Variants in MAPKAPK3 observed in about 807,000 individuals in gnomAD.
The protein encoded by MAPKAPK3 is MAPK activated protein kinase 3.
A neutral mutation model predicts 49.2 loss-of-function variants in MAPKAPK3; 35 were observed. The observed-to-expected ratio is 0.71, with a 90% CI of 0.54 to 0.94. The LOEUF (loss-of-function observed/expected upper bound fraction) is 0.94. Among genes scored for constraint, MAPKAPK3 ranks in the 40% least tolerant of loss-of-function variants. The pLI, the probability that MAPKAPK3 is intolerant of heterozygous loss-of-function variation, is 0.00. For missense variants in MAPKAPK3, 398 were observed against 493.1 expected (o/e 0.81, Z 1.83); for synonymous variants, 178 against 188.7 (o/e 0.94, Z 0.46).
rs2032640226 is a variant in MAPKAPK3 at position 50,622,695 on chromosome 3, T to C, written c.219+4911T>C. Among the ~76,000 whole-genome samples the C allele has an allele frequency of 2.0e-5, 3 of 152,316 alleles. No homozygotes were observed. The South Asian group carries it at 6.2e-4, about 32-fold the overall frequency. The stretch of plus-strand genomic sequence containing the variant: ...AGAGATAAGCCACAGAGAAATGCTA[T>C]TTCTACTCTCCTAAGATCTGGGAAT... On this transcript the variant is annotated intron_variant, in intron 2 of 10. Transcript: ENST00000621469.
chr3:50,639,626 C>A (rs537186138), intron 2 of MAPKAPK3, among the ~76,000 whole-genome samples: 7 of 152,104 alleles, frequency 4.6e-5, no homozygotes, highest in Non-Finnish European at 8.8e-5. Flanking sequence ...TACTTTTACC[C>A]CTACAGGAGT....
chr3:50,647,850 G>A, intron 10 of MAPKAPK3, 44 bp from the exon 11 acceptor site: 1 of 1,581,302 alleles, frequency 6.3e-7, no homozygotes, highest in Non-Finnish European at 8.6e-7. Flanking sequence ...CCTAAGGTCA[G>A]TACATCCTGA....
chr3:50,634,790 C>T (rs1052037897), intron 2 of MAPKAPK3, among the ~76,000 whole-genome samples: 2 of 152,204 alleles, frequency 1.3e-5, no homozygotes, highest in Non-Finnish European at 2.9e-5. Flanking sequence ...CGTGCTTAGC[C>T]CCTTCCTATC....
intron 1 of MAPKAPK3, 86 bp downstream of exon 1, chr3:50,617,327 G>C (rs932585228): frequency 3.1e-5 from 13 of 417,996 alleles, no homozygotes; most frequent in Admixed American, 1.5e-4. Flanking sequence ...CTTGACACGT[G>C]CCCGGGCGGT....
rs541893798 is a variant in MAPKAPK3 at position 50,622,389 on chromosome 3, C to G, written c.219+4605C>G. ...CCAGCACTGAAGAATTTCTTCTCAT[C>G]TGTCAAGACTCAGCCCCAGTGCCAC... On this transcript the variant is annotated intron_variant, in intron 2 of 10. Coordinates refer to ENST00000621469, the MANE Select transcript of MAPKAPK3 (RefSeq NM_001243925.2). Among the ~76,000 whole-genome samples the G allele has an allele frequency of 4.6e-5, 7 of 152,328 alleles. No homozygotes were observed. The South Asian group carries it at 1.4e-3, about 32-fold the overall frequency.
At position 50,647,081 on chromosome 3, in the gene MAPKAPK3, G is replaced by A. The variant is rs1333274925; in HGVS notation, c.916-42G>A. The A allele has an allele frequency of 5.4e-6, 8 of 1,492,248 alleles. No individual in the cohort carries two copies. In the Admixed American group the frequency reaches 1.4e-4, roughly 26 times the overall value. The allele number at this position is 1,492,248 out of a possible 1,614,324, so 92.4% of individuals were successfully genotyped here. A position where few individuals can be genotyped will look rare whatever the true frequency, so the allele number is the denominator to read the frequency against. ...GTAGGGGGAACCAGTGCTGTCCCAGGTGCCTCCAGTTTCTAATCCACGGGC... is the reference window on the plus strand; with the variant it reads ...GTAGGGGGAACCAGTGCTGTCCCAGATGCCTCCAGTTTCTAATCCACGGGC... On this transcript the variant is annotated intron_variant, in intron 9 of 10. Coordinates refer to ENST00000621469, the MANE Select transcript of MAPKAPK3 (RefSeq NM_001243925.2).
chr3:50,634,634 G>A (rs556198953), intron 2 of MAPKAPK3, among the ~76,000 whole-genome samples: 27 of 152,150 alleles, frequency 1.8e-4, no homozygotes, highest in Non-Finnish European at 3.7e-4. Flanking sequence ...GATTACAGGT[G>A]CGTACCACCA....
intron 2 of MAPKAPK3, among the ~76,000 whole-genome samples, chr3:50,624,481 G>T (rs568918665): frequency 6.6e-6 from 1 of 152,292 alleles, no homozygotes; most frequent in African/African-American, 2.4e-5. Context: ...AGGAATCTGT[G>T]GAGGAAGAGG....
At position 50,648,315 on chromosome 3, in the gene MAPKAPK3, G is replaced by C. The variant is rs1037729162; in HGVS notation, c.*269G>C. ...GCAGCACCTTTAGCTAGGTTGGCCCGAGTGAGGCCTCTGTGCTGTCCTGCC... is the reference window on the plus strand; with the variant it reads ...GCAGCACCTTTAGCTAGGTTGGCCCCAGTGAGGCCTCTGTGCTGTCCTGCC... On this transcript the variant is annotated 3_prime_UTR_variant, in exon 11 of 11. Transcript: ENST00000621469. The C allele has an allele frequency of 4.9e-6, 2 of 408,236 alleles. No homozygotes were observed. Among genetic ancestry groups the C allele is most frequent in the Non-Finnish European group, 8.9e-6 (2 of 225,810 alleles). 25.3% of individuals were successfully genotyped at this position (408,236 alleles called of 1,614,324 possible).
intron 2 of MAPKAPK3, among the ~76,000 whole-genome samples, chr3:50,624,506 C>G (rs991555666): frequency 2.0e-5 from 3 of 151,928 alleles, no homozygotes; most frequent in African/African-American, 7.3e-5. Flanking sequence ...TGTGTAGGGC[C>G]TTGAAGGGTA....
At chr3:50,624,379 C>T (rs1394438232) in intron 2 of MAPKAPK3, among the ~76,000 whole-genome samples, 2 of 152,158 alleles carry the variant, frequency 1.3e-5, no homozygotes, top group Non-Finnish European at 2.9e-5. Flanking sequence ...CAGTTTCCCA[C>T]TCGCAGACCT....
rs777693012 is a variant in MAPKAPK3 at position 50,645,694 on chromosome 3, C to T, written c.629-16C>T. 6.2e-7 allele frequency: 1 copy of T among 1,611,530 alleles called. No individual in the cohort carries two copies. The highest frequency in any genetic ancestry group is 8.5e-7 in the Non-Finnish European group (1 of 1,177,764). On this transcript the variant is annotated splice_polypyrimidine_tract_variant and intron_variant, in intron 6 of 10. Transcript: ENST00000621469. ...CCCTTGGGTCTGAGAGCCCTGCTGT[C>T]CCTCTGCCCTGGCAGCCCCTGAGGT... is the stretch of plus-strand genomic sequence containing the variant.
rs1349560215 is a variant in MAPKAPK3 at position 50,648,826 on chromosome 3, G to A, written c.*780G>A. On this transcript the variant is annotated 3_prime_UTR_variant, in exon 11 of 11. Coordinates refer to ENST00000621469, the MANE Select transcript of MAPKAPK3 (RefSeq NM_001243925.2). ...TTTCCACTTTGGAAAATGTCACTGT[G>A]ACAAAAGCCAGCATACTTTCCCTGC... 6.6e-6 allele frequency: 1 copy of A among 152,266 alleles called. No individual in the cohort carries two copies. The highest frequency in any genetic ancestry group is 2.4e-5 in the African/African-American group (1 of 41,470). 9.4% of individuals were successfully genotyped at this position (152,266 alleles called of 1,614,324 possible). A position where few individuals can be genotyped will look rare whatever the true frequency, so the allele number is the denominator to read the frequency against.
At position 50,631,349 on chromosome 3, in the gene MAPKAPK3, G is replaced by A. The variant is rs571153289; in HGVS notation, c.220-9017G>A. ...GAGAGGGAGGACATGGGGGGCAGGA[G>A]CGGGGTTCTGGCATTATAAGGAAGA... On this transcript the variant is annotated intron_variant, in intron 2 of 10. Coordinates refer to ENST00000621469, the MANE Select transcript of MAPKAPK3 (RefSeq NM_001243925.2). Among the ~76,000 whole-genome samples the A allele has an allele frequency of 1.9e-3, 294 of 152,344 alleles. 3 individuals are homozygous for A. Among genetic ancestry groups the A allele is most frequent in the African/African-American group, 6.4e-3 (268 of 41,576 alleles).
Position 50,645,706 on chromosome 3 carries a change from G to T in MAPKAPK3, c.629-4G>T. 1 of 1,613,760 alleles carries T rather than the reference G, an allele frequency of 6.2e-7. No homozygotes were observed. Among genetic ancestry groups the T allele is most frequent in the Non-Finnish European group, 8.5e-7 (1 of 1,179,716 alleles). On this transcript the variant is annotated splice_polypyrimidine_tract_variant and splice_region_variant and intron_variant, in intron 6 of 10. Transcript: ENST00000621469. ...AGAGCCCTGCTGTCCCTCTGCCCTG[G>T]CAGCCCCTGAGGTCCTGGGTCCAGA...
chr3:50,634,447 G>T (rs1239816908), intron 2 of MAPKAPK3, among the ~76,000 whole-genome samples: 1 of 151,914 alleles, frequency 6.6e-6, no homozygotes, highest in Non-Finnish European at 1.5e-5. Context: ...AGGCAAGGGT[G>T]GGGGCCCGTT....
intron 2 of MAPKAPK3, among the ~76,000 whole-genome samples, chr3:50,618,351 C>T (rs1559482172): frequency 6.6e-6 from 1 of 152,172 alleles, no homozygotes; most frequent in Non-Finnish European, 1.5e-5. Context: ...GTCGCTGGTC[C>T]CGTGTTGAAA....
chr3:50,628,635 G>T (rs1406552549), intron 2 of MAPKAPK3, among the ~76,000 whole-genome samples: 1 of 152,124 alleles, frequency 6.6e-6, no homozygotes, highest in Non-Finnish European at 1.5e-5. Context: ...TGGTCTCTGT[G>T]GCCTCCCCCG....
intron 4 of MAPKAPK3, 54 bp from the exon 5 acceptor site, chr3:50,642,198 TG>T (rs2033190128): frequency 8.6e-7 from 1 of 1,162,654 alleles, no homozygotes; most frequent in South Asian, 1.2e-5. Flanking sequence ...GATGATAGGG[TG>T]GGGGCTTGAC....
Sources: allele counts gnomAD v4.1 joint callset (sites outside exome capture counted in the v4.1 genomes callset), GRCh38; gene constraint gnomAD v4.1.1; transcripts MANE v1.5; gene names NCBI Gene and HGNC (gene_info 2026-07-23, HGNC 2026-07-21).